RAP1B: variants seen among roughly 807,000 people sequenced by gnomAD.
The protein encoded by RAP1B is RAP1B, member of RAS oncogene family.
A neutral mutation model predicts 27.5 loss-of-function variants in RAP1B; 1 was observed. That is an observed-to-expected ratio of 0.04 (90% confidence interval 0.01 to 0.17). The LOEUF (loss-of-function observed/expected upper bound fraction) is 0.17, where lower values mean the gene tolerates loss of function less well. Among genes scored for constraint, RAP1B ranks in the 10% least tolerant of loss-of-function variants. The probability of loss-of-function intolerance (pLI) is 1.00; values close to 1 mark genes in which losing one functional copy is unlikely to be tolerated. For synonymous variants in RAP1B, 75 were observed against 73.1 expected (o/e 1.03, Z -0.13); for missense variants, 84 against 214.8 (o/e 0.39, Z 3.81).
chr12:68,643,680 A>G (rs981516634), intron 1 of RAP1B, among the ~76,000 whole-genome samples: 1 of 152,156 alleles, frequency 6.6e-6, no homozygotes, highest in African/African-American at 2.4e-5. Flanking sequence ...TAGTTACTCT[A>G]TGAGTTGAGT....
intron 7 of RAP1B, among the ~76,000 whole-genome samples, chr12:68,657,913 CT>C (rs1255474702): frequency 7.2e-4 from 106 of 146,900 alleles, no homozygotes; most frequent in Middle Eastern, 3.6e-3. Flanking sequence ...TCATGTGCCA[CT>C]TTTTTTTTTT....
At chr12:68,615,754 T>G (rs564827680) in intron 1 of RAP1B, among the ~76,000 whole-genome samples, 1 of 152,162 alleles carries the variant, frequency 6.6e-6, no homozygotes, top group East Asian at 1.9e-4. Context: ...TTTTACTTTA[T>G]GTTTTTGTAG....
chr12:68,621,974 G>T (rs1346330725), intron 1 of RAP1B, among the ~76,000 whole-genome samples: 1 of 151,996 alleles, frequency 6.6e-6, no homozygotes, highest in Non-Finnish European at 1.5e-5. Flanking sequence ...ATTCCATTGG[G>T]TGTGAAATCA....
intron 1 of RAP1B, among the ~76,000 whole-genome samples, chr12:68,633,637 G>A (rs1025353894): frequency 2.0e-5 from 3 of 152,254 alleles, no homozygotes; most frequent in Admixed American, 6.5e-5. Context: ...TTGGGAGGCC[G>A]AGGCAGGCGG....
chr12:68,623,864 A>G (rs917543665), intron 1 of RAP1B, among the ~76,000 whole-genome samples: 1 of 152,214 alleles, frequency 6.6e-6, no homozygotes, highest in Non-Finnish European at 1.5e-5. Context: ...TACTAAAAAT[A>G]CAAAAACTTA....
chr12:68,625,869 C>T (rs1198806538), intron 1 of RAP1B, among the ~76,000 whole-genome samples: 1 of 151,872 alleles, frequency 6.6e-6, no homozygotes, highest in African/African-American at 2.4e-5. Flanking sequence ...TTGCAGTGAG[C>T]CAAGATCGTG....
chr12:68,628,189 A>G (rs960634139), intron 1 of RAP1B, among the ~76,000 whole-genome samples: 3 of 152,164 alleles, frequency 2.0e-5, no homozygotes, highest in South Asian at 2.1e-4. Flanking sequence ...CCTAGGCCCC[A>G]CAAAATTACA....
intron 7 of RAP1B, 43 bp downstream of exon 7, chr12:68,657,260 T>TTA (rs1874272457): frequency 8.1e-7 from 1 of 1,227,524 alleles, no homozygotes; most frequent in East Asian, 2.4e-5. Context: ...TCACTCAACC[T>TTA]TATTAAGGGC....
In RAP1B at chr12:68,670,661, G is replaced by C. The variant is rs1028966071; in HGVS notation, c.*11412G>C. ...TAAGTAAAACTGTAAGTCACAGACT[G>C]TATATATAAATTTAAAATTTGGCAA... On this transcript the variant is annotated 3_prime_UTR_variant, in exon 8 of 8. Transcript: ENST00000250559. 6.6e-6 allele frequency: 1 copy of C among 152,184 alleles called. No homozygotes were observed. The highest frequency in any genetic ancestry group is 2.4e-5 in the African/African-American group (1 of 41,452). 9.4% of individuals were successfully genotyped at this position (152,184 alleles called of 1,614,324 possible). A position where few individuals can be genotyped will look rare whatever the true frequency, so the allele number is the denominator to read the frequency against.
In RAP1B at chr12:68,627,796, C is replaced by T. The variant is rs1331928468; in HGVS notation, c.-27+16753C>T. Among the ~76,000 whole-genome samples, 3 of 152,076 alleles carry T rather than the reference C, an allele frequency of 2.0e-5. No individual in the cohort carries two copies. The East Asian group carries it at 5.8e-4, about 29-fold the overall frequency. On this transcript the variant is annotated intron_variant, in intron 1 of 7. Transcript: ENST00000250559. ...ACCTAAGTTTTGGTAGATAGCCTTGCTTTATAGAAAATGAAAATGGGCCAG... is the reference window on the plus strand; with the variant it reads ...ACCTAAGTTTTGGTAGATAGCCTTGTTTTATAGAAAATGAAAATGGGCCAG...
In RAP1B at chr12:68,627,331, G is replaced by GCC. The variant is rs199774560; in HGVS notation, c.-27+16294_-27+16295dup. On this transcript the variant is annotated intron_variant, in intron 1 of 7. Transcript: ENST00000250559. ...GCTGTTTGCAGCCATTGCACACTGGGCCCCCCCATGAGGAAAGGAACTCAG... is the reference window on the plus strand; with the variant it reads ...GCTGTTTGCAGCCATTGCACACTGGGCCCCCCCCCATGAGGAAAGGAACTCAG... 2.9e-5 allele frequency: 22 copies of GCC among 751,728 alleles called. 2 individuals are homozygous for GCC. Among genetic ancestry groups the GCC allele is most frequent in the South Asian group, 1.8e-4 (13 of 71,052 alleles). 46.6% of individuals were successfully genotyped at this position (751,728 alleles called of 1,614,324 possible). A position where few individuals can be genotyped will look rare whatever the true frequency, so the allele number is the denominator to read the frequency against.
chr12:68,648,039 C>T (rs1210849156), intron 1 of RAP1B: 2 of 152,136 alleles, frequency 1.3e-5, no homozygotes, highest in Admixed American at 6.5e-5. Flanking sequence ...ACCCTGGAAT[C>T]CTTGAAGACC....
chr12:68,641,708 A>C (rs1009034377), intron 1 of RAP1B, among the ~76,000 whole-genome samples: 3 of 152,182 alleles, frequency 2.0e-5, no homozygotes, highest in African/African-American at 7.2e-5. Context: ...AAAACTACCC[A>C]AAAAATATAT....
At position 68,662,032 on chromosome 12, in the gene RAP1B, A is replaced by G. The variant is rs548295539; in HGVS notation, c.*2783A>G. On this transcript the variant is annotated 3_prime_UTR_variant, in exon 8 of 8. Coordinates refer to ENST00000250559, the MANE Select transcript of RAP1B (RefSeq NM_001010942.3). Reference sequence around the variant, plus strand: ...TCTATATATATATATATATATATATATTATATATAGTACATATATAGAGAG... The same window carrying G: ...TCTATATATATATATATATATATATGTTATATATAGTACATATATAGAGAG... 15 of 140,146 alleles carry G rather than the reference A, an allele frequency of 1.1e-4. No individual in the cohort carries two copies. The highest frequency in any genetic ancestry group is 1.0e-3 in the Admixed American group (14 of 13,978). 8.7% of individuals were successfully genotyped at this position (140,146 alleles called of 1,614,324 possible). A position where few individuals can be genotyped will look rare whatever the true frequency, so the allele number is the denominator to read the frequency against.
intron 1 of RAP1B, among the ~76,000 whole-genome samples, chr12:68,634,579 A>AT (rs1468631459): frequency 6.7e-6 from 1 of 149,128 alleles, no homozygotes; most frequent in Non-Finnish European, 1.5e-5. Flanking sequence ...TTGAGCCTAT[A>AT]TTATTATTTT....
intron 1 of RAP1B, among the ~76,000 whole-genome samples, chr12:68,631,196 G>A (rs975242236): frequency 6.6e-6 from 1 of 152,136 alleles, no homozygotes; most frequent in Non-Finnish European, 1.5e-5. Context: ...GCTGCACATA[G>A]CAGATACTTA....
chr12:68,630,833 A>ACCACG (rs1222144909), intron 1 of RAP1B, among the ~76,000 whole-genome samples: 1 of 151,858 alleles, frequency 6.6e-6, no homozygotes, highest in Non-Finnish European at 1.5e-5. Flanking sequence ...GGCGCAGGCC[A>ACCACG]CCACGCCTGG....
intron 4 of RAP1B, among the ~76,000 whole-genome samples, chr12:68,653,404 AAGT>A (rs1042607028): frequency 5.3e-5 from 8 of 152,254 alleles, no homozygotes; most frequent in African/African-American, 1.7e-4. Context: ...AGCAAAGAAA[AAGT>A]AGTGTGGGAA....
At chr12:68,622,439 C>T (rs575078515) in intron 1 of RAP1B, among the ~76,000 whole-genome samples, 8 of 152,220 alleles carry the variant, frequency 5.3e-5, no homozygotes, top group Admixed American at 4.6e-4. Flanking sequence ...ACTGCATAAT[C>T]CAGTTCTTGC....
Sources: allele counts gnomAD v4.1 joint callset (sites outside exome capture counted in the v4.1 genomes callset), GRCh38; gene constraint gnomAD v4.1.1; transcripts MANE v1.5; gene names NCBI Gene and HGNC (gene_info 2026-07-23, HGNC 2026-07-21).